Variants in ELL2 observed in about 807,000 individuals in gnomAD.
ELL2 encodes the protein elongation factor for RNA polymerase II 2.
In ELL2, 21 loss-of-function variants were observed where a neutral mutation model predicts 72.8. That is an observed-to-expected ratio of 0.29 (90% CI 0.20 to 0.42). The LOEUF is 0.42. Ranked by LOEUF, ELL2 falls within the 10% of genes least tolerant of loss-of-function variation. The probability of loss-of-function intolerance (pLI) is 1.00; values close to 1 mark genes in which losing one functional copy is unlikely to be tolerated. For synonymous variants in ELL2, 266 were observed against 283.2 expected (o/e 0.94, Z 0.61); for missense variants, 568 against 772.8 (o/e 0.73, Z 3.14).
intron 1 of ELL2, among the ~76,000 whole-genome samples, chr5:95,950,148 T>C (rs1171064377): frequency 6.6e-6 from 1 of 152,192 alleles, no homozygotes; most frequent in Non-Finnish European, 1.5e-5. Flanking sequence ...CCAGACAATT[T>C]GAGAACTTGT....
chr5:95,921,384 A>G (rs17381263), intron 2 of ELL2, among the ~76,000 whole-genome samples: 1,524 of 152,332 alleles, frequency 0.01, 17 homozygotes, highest in Admixed American at 0.026. Context: ...CCCTATTTGA[A>G]ATTAGAGACA....
chr5:95,892,777 A>G (rs1748715812), intron 9 of ELL2, among the ~76,000 whole-genome samples: 1 of 152,196 alleles, frequency 6.6e-6, no homozygotes, highest in Non-Finnish European at 1.5e-5. Flanking sequence ...GAGCAAACTT[A>G]GTGTCCTCAT....
chr5:95,914,497 A>T (rs760118206), intron 3 of ELL2, among the ~76,000 whole-genome samples: 9 of 152,194 alleles, frequency 5.9e-5, no homozygotes, highest in South Asian at 2.1e-4. Flanking sequence ...AAATCTCTAT[A>T]TAAGATGACC....
chr5:95,924,310 G>T lies in ELL2; in HGVS notation c.196-4765C>A, dbSNP rs181161395. ...CAGGTTCATGAAATACGAGGAGGAG[G>T]AAGTGAAAATGTACTGACTGCTACT... On this transcript the variant is annotated intron_variant, in intron 2 of 11. Transcript: ENST00000237853. 2.8e-4 allele frequency among the ~76,000 whole-genome samples: 42 copies of T among 152,324 alleles called. No individual in the cohort carries two copies. In the East Asian group the frequency reaches 6.9e-3, roughly 25 times the overall value.
intron 2 of ELL2, among the ~76,000 whole-genome samples, chr5:95,928,806 G>A (rs1031063839): frequency 6.6e-6 from 1 of 152,116 alleles, no homozygotes; most frequent in African/African-American, 2.4e-5. Context: ...ATGTCAATAT[G>A]ACTCTGTCAG....
intron 2 of ELL2, 67 bp downstream of exon 2, chr5:95,942,935 G>T: frequency 1.6e-6 from 2 of 1,263,628 alleles, no homozygotes; most frequent in South Asian, 1.9e-5. Context: ...AACTGAAAAC[G>T]GATTTTAAAA....
At chr5:95,920,277 A>ATATTTATT (rs70978197) in intron 2 of ELL2, among the ~76,000 whole-genome samples, 1,373 of 135,224 alleles carry the variant, frequency 0.01, 10 homozygotes, top group Non-Finnish European at 0.011. Flanking sequence ...TAAATTTTTA[A>ATATTTATT]TATTTATTTA....
chr5:95,898,176 T>TATAAACTG, intron 8 of ELL2, 64 bp downstream of exon 8: 2 of 1,323,684 alleles, frequency 1.5e-6, no homozygotes. Flanking sequence ...AATTACTAAT[T>TATAAACTG]ATAAACTGTG....
intron 3 of ELL2, among the ~76,000 whole-genome samples, chr5:95,916,127 G>C (rs984770513): frequency 6.6e-6 from 1 of 151,392 alleles, no homozygotes; most frequent in Admixed American, 6.6e-5. Context: ...ACAGCTTCCA[G>C]AGATAGTGAG....
At chr5:95,904,647 A>ATT (rs957763710) in intron 5 of ELL2, among the ~76,000 whole-genome samples, 1 of 152,254 alleles carries the variant, frequency 6.6e-6, no homozygotes, top group African/African-American at 2.4e-5. Context: ...AGCCTGATTA[A>ATT]TTATTTTAGG....
chr5:95,945,234 C>T (rs1451751474), intron 1 of ELL2, among the ~76,000 whole-genome samples: 1 of 152,186 alleles, frequency 6.6e-6, no homozygotes, highest in Admixed American at 6.5e-5. Flanking sequence ...ACCGTCACCT[C>T]TTTCTTACTT....
At chr5:95,936,951 T>C (rs1307979777) in intron 2 of ELL2, among the ~76,000 whole-genome samples, 2 of 152,050 alleles carry the variant, frequency 1.3e-5, no homozygotes. Context: ...AATGGGCTAT[T>C]TTACCTTGTC....
Position 95,913,023 on chromosome 5 carries a change from T to C in ELL2, c.481+748A>G, listed in dbSNP as rs534372300. Among the ~76,000 whole-genome samples the C allele has an allele frequency of 5.3e-5, 8 of 152,366 alleles. No individual in the cohort carries two copies. In the South Asian group the frequency reaches 1.7e-3, roughly 32 times the overall value. Reference sequence around the variant, plus strand: ...AAGAGCTCCTCCTCACTCTTGATAATTCTATTACTGTTAATAGTCACCATG... The same window carrying C: ...AAGAGCTCCTCCTCACTCTTGATAACTCTATTACTGTTAATAGTCACCATG... On this transcript the variant is annotated intron_variant, in intron 4 of 11. Transcript: ENST00000237853.
At chr5:95,918,037 C>T (rs1033898823) in intron 3 of ELL2, among the ~76,000 whole-genome samples, 2 of 152,290 alleles carry the variant, frequency 1.3e-5, no homozygotes, top group African/African-American at 2.4e-5. Flanking sequence ...TAGCCACTAA[C>T]TAACCAGCTA....
At chr5:95,935,931 T>TG (rs1430091308) in intron 2 of ELL2, among the ~76,000 whole-genome samples, 9 of 152,216 alleles carry the variant, frequency 5.9e-5, no homozygotes, top group African/African-American at 2.2e-4. Flanking sequence ...CATGACTCCC[T>TG]GGCTAAAATT....
intron 8 of ELL2, among the ~76,000 whole-genome samples, chr5:95,897,036 C>A (rs753066805): frequency 6.6e-6 from 1 of 152,216 alleles, no homozygotes; most frequent in Non-Finnish European, 1.5e-5. Context: ...AAAAAGCTTA[C>A]ACCTACCTTT....
chr5:95,906,914 C>A, intron 4 of ELL2, 132 bp from the exon 5 acceptor site: 1 of 895,346 alleles, frequency 1.1e-6, no homozygotes. Flanking sequence ...TTATTTCAAT[C>A]TTTAAGAAGG....
intron 9 of ELL2, among the ~76,000 whole-genome samples, chr5:95,895,286 A>G (rs559354157): frequency 1.3e-4 from 20 of 152,386 alleles, no homozygotes; most frequent in African/African-American, 4.6e-4. Context: ...TGGGGGACCC[A>G]AGTGAATGAC....
intron 5 of ELL2, among the ~76,000 whole-genome samples, chr5:95,901,672 G>C (rs1341073576): frequency 6.6e-6 from 1 of 152,204 alleles, no homozygotes; most frequent in Non-Finnish European, 1.5e-5. Context: ...CAAGTACTAT[G>C]ATATTACAAC....
Sources: gnomAD v4.1 joint callset for allele counts (sites outside exome capture counted in the v4.1 genomes callset) on GRCh38, gnomAD v4.1.1 for gene constraint, MANE v1.5 for transcripts, NCBI Gene and HGNC (gene_info 2026-07-23, HGNC 2026-07-21) for gene names.